ZCCHC17: variants seen among roughly 807,000 people sequenced by gnomAD.
ZCCHC17 encodes the protein zinc finger CCHC domain-containing protein 17.
ZCCHC17 carries 18 observed loss-of-function variants against 30.6 expected under a neutral mutation model. The ratio of observed to expected loss-of-function variants is 0.59; its 90% CI spans 0.41 to 0.87. The LOEUF (loss-of-function observed/expected upper bound fraction) is 0.87. Ranked by LOEUF, ZCCHC17 falls within the 40% of genes least tolerant of loss-of-function variation. The pLI is 0.00. For synonymous variants in ZCCHC17, 88 were observed against 92.4 expected, an observed-to-expected ratio of 0.95 and a Z score of 0.27; for missense variants, 263 against 284.2, an observed-to-expected ratio of 0.93 and a Z score of 0.54.
At chr1:31,299,856 G>A (rs1646265688) in intron 1 of ZCCHC17, among the ~76,000 whole-genome samples, 1 of 152,162 alleles carries the variant, frequency 6.6e-6, no homozygotes, top group Non-Finnish European at 1.5e-5. Flanking sequence ...GATGGGCTAT[G>A]GAATCTAAGC....
intron 2 of ZCCHC17, among the ~76,000 whole-genome samples, chr1:31,316,107 A>T (rs1440716438): frequency 6.6e-6 from 1 of 152,126 alleles, no homozygotes; most frequent in Non-Finnish European, 1.5e-5. Context: ...TTATTCACTT[A>T]TTTATTTATT....
intron 7 of ZCCHC17, among the ~76,000 whole-genome samples, chr1:31,356,221 T>C (rs1237368309): frequency 6.6e-6 from 1 of 152,166 alleles, no homozygotes. Flanking sequence ...CTATGTATGG[T>C]GGTAAAGGAT....
At chr1:31,313,781 A>G (rs911117736) in intron 2 of ZCCHC17, among the ~76,000 whole-genome samples, 16 of 151,906 alleles carry the variant, frequency 1.1e-4, no homozygotes, top group African/African-American at 3.9e-4. Context: ...AGGGAAGAAC[A>G]CTCTGCCCTC....
chr1:31,336,369 G>A (rs1201372509), intron 3 of ZCCHC17, among the ~76,000 whole-genome samples: 1 of 152,012 alleles, frequency 6.6e-6, no homozygotes, highest in East Asian at 1.9e-4. Context: ...TGATATTCTT[G>A]CATCAAAGAT....
chr1:31,322,097 A>T (rs1417006433), intron 3 of ZCCHC17, among the ~76,000 whole-genome samples: 1 of 152,140 alleles, frequency 6.6e-6, no homozygotes, highest in Non-Finnish European at 1.5e-5. Context: ...AGTACAGGTA[A>T]AACTGGGGAA....
chr1:31,356,825 G>A (rs947001872), intron 7 of ZCCHC17, among the ~76,000 whole-genome samples: 10 of 152,220 alleles, frequency 6.6e-5, no homozygotes, highest in Non-Finnish European at 1.3e-4. Flanking sequence ...CCCAGTGACT[G>A]AATGTTATAA....
intron 2 of ZCCHC17, among the ~76,000 whole-genome samples, chr1:31,316,336 A>G (rs766146336): frequency 1.3e-5 from 2 of 152,174 alleles, no homozygotes; most frequent in Non-Finnish European, 1.5e-5. Context: ...TCCTGGCCTC[A>G]AGTGATCCAC....
At chr1:31,353,961 A>G (rs1175460836) in intron 7 of ZCCHC17, among the ~76,000 whole-genome samples, 3 of 152,336 alleles carry the variant, frequency 2.0e-5, no homozygotes, top group East Asian at 1.9e-4. Context: ...GAAAGATTTC[A>G]TATGAATTTT....
rs772505387 is a variant in ZCCHC17 at position 31,364,218 on chromosome 1, TTGAGAG to T, written c.*27_*32del. ...AGAGTATAAAGAGTGTAGGGGGTGG[TTGAGAG>T]TAAGAAACCAGGAGCCTTGTGCCTT... On this transcript the variant is annotated 3_prime_UTR_variant, in exon 8 of 8. Transcript: ENST00000344147. 1 of 1,597,100 alleles carries T rather than the reference TTGAGAG, an allele frequency of 6.3e-7. No individual in the cohort carries two copies. The highest frequency in any genetic ancestry group is 1.4e-5 in the African/African-American group (1 of 73,420).
At chr1:31,315,144 A>T (rs1345523128) in intron 2 of ZCCHC17, among the ~76,000 whole-genome samples, 2 of 152,202 alleles carry the variant, frequency 1.3e-5, no homozygotes, top group Non-Finnish European at 2.9e-5. Context: ...AGCAGAGGCC[A>T]TGATTGTCTC....
At chr1:31,347,061 A>G (rs1174127195) in intron 6 of ZCCHC17, among the ~76,000 whole-genome samples, 4 of 152,168 alleles carry the variant, frequency 2.6e-5, no homozygotes, top group Admixed American at 2.6e-4. Flanking sequence ...TTAACACTCT[A>G]ATTTTATCTC....
At chr1:31,357,031 TTA>T (rs1440459104) in intron 7 of ZCCHC17, among the ~76,000 whole-genome samples, 4 of 152,198 alleles carry the variant, frequency 2.6e-5, no homozygotes, top group Non-Finnish European at 5.9e-5. Context: ...TGAATCGGTG[TTA>T]TGTTATGAAG....
intron 3 of ZCCHC17, among the ~76,000 whole-genome samples, chr1:31,319,992 T>A (rs1646823540): frequency 6.6e-6 from 1 of 152,184 alleles, no homozygotes; most frequent in Non-Finnish European, 1.5e-5. Flanking sequence ...GAAAAAGAAT[T>A]TGTAGTACAT....
intron 1 of ZCCHC17, 81 bp downstream of exon 1, chr1:31,297,156 C>G (rs1446986456): frequency 5.0e-6 from 2 of 402,050 alleles, no homozygotes; most frequent in African/African-American, 2.1e-5. Flanking sequence ...ACCTGCCCTT[C>G]TCAGCTGAGG....
intron 7 of ZCCHC17, among the ~76,000 whole-genome samples, chr1:31,356,075 G>T (rs1639634083): frequency 6.6e-6 from 1 of 152,160 alleles, no homozygotes; most frequent in Non-Finnish European, 1.5e-5. Flanking sequence ...GCGTGTGGAA[G>T]GGCATATATG....
intron 3 of ZCCHC17, among the ~76,000 whole-genome samples, chr1:31,336,553 G>A (rs144314514): frequency 6.6e-6 from 1 of 152,104 alleles, no homozygotes; most frequent in Non-Finnish European, 1.5e-5. Context: ...TAGAGATGGG[G>A]TCTCGTTATG....
At chr1:31,359,594 T>C (rs1569941459) in intron 7 of ZCCHC17, among the ~76,000 whole-genome samples, 2 of 152,182 alleles carry the variant, frequency 1.3e-5, no homozygotes, top group African/African-American at 2.4e-5. Flanking sequence ...ATTCTCTTTT[T>C]TCAGTTTTTG....
intron 2 of ZCCHC17, among the ~76,000 whole-genome samples, chr1:31,318,558 T>A (rs1646789094): frequency 1.3e-5 from 2 of 152,128 alleles, no homozygotes; most frequent in African/African-American, 4.8e-5. Context: ...GCTTTTTATC[T>A]AGTTGTCTTG....
intron 1 of ZCCHC17, among the ~76,000 whole-genome samples, chr1:31,307,721 T>C (rs1646499985): frequency 1.3e-5 from 2 of 151,984 alleles, no homozygotes; most frequent in South Asian, 4.1e-4. Context: ...ACCACAGGTG[T>C]GCACCACCAT....
Sources: allele counts gnomAD v4.1 joint callset (sites outside exome capture counted in the v4.1 genomes callset), GRCh38; gene constraint gnomAD v4.1.1; transcripts MANE v1.5; gene names NCBI Gene and HGNC (gene_info 2026-07-23, HGNC 2026-07-21).